ITGAX: variants seen among roughly 807,000 people sequenced by gnomAD.
ITGAX encodes the protein integrin subunit alpha X.
Under a neutral mutation model 140.2 loss-of-function variants are expected in ITGAX, and 99 were observed. That is an observed-to-expected ratio of 0.71 (90% CI 0.60 to 0.83). The LOEUF is 0.83. Ranked by LOEUF, ITGAX falls within the 40% of genes least tolerant of loss-of-function variation. ITGAX has a pLI of 0.00. For synonymous variants in ITGAX, 631 were observed against 600.4 expected (o/e 1.05, Z -0.75); for missense variants, 1,444 against 1,482.0 (o/e 0.97, Z 0.42).
At chr16:31,368,898 A>C (rs1269661396) in intron 14 of ITGAX, among the ~76,000 whole-genome samples, 1 of 152,124 alleles carries the variant, frequency 6.6e-6, no homozygotes, top group African/African-American at 2.4e-5. Flanking sequence ...GACACAGCAC[A>C]TGTTTCAGAG....
intron 29 of ITGAX, 106 bp from the exon 30 acceptor site, chr16:31,381,697 A>T (rs1044650953): frequency 6.6e-6 from 5 of 759,548 alleles, no homozygotes; most frequent in Admixed American, 2.0e-5. Context: ...CAGTGCTTTG[A>T]ACCTAGCAAG....
chr16:31,356,239 T>A, intron 2 of ITGAX: 1 of 493,538 alleles, frequency 2.0e-6, no homozygotes, highest in Non-Finnish European at 3.6e-6. Flanking sequence ...CGACAGCCTG[T>A]GAGTAGGAAT....
Position 31,360,030 on chromosome 16 carries a change from G to A in ITGAX, c.672G>A (p.Gly224=), listed in dbSNP as rs376541940. The part of the protein sequence containing the change: ...SLLASVHQLQ[G]FTYTATAIQN... ...TGGCTTCTGTTCACCAGCTGCAAGGGTTTACATACACGGCCACCGCCATCC... is the reference window on the plus strand; with the variant it reads ...TGGCTTCTGTTCACCAGCTGCAAGGATTTACATACACGGCCACCGCCATCC... Residue 224 remains glycine, a synonymous_variant, in exon 7 of 30, where the codon GGG becomes GGA. Transcript: ENST00000268296. The A allele has an allele frequency of 6.2e-7, 1 of 1,613,028 alleles. No homozygotes were observed. Among genetic ancestry groups the A allele is most frequent in the Non-Finnish European group, 8.5e-7 (1 of 1,180,028 alleles).
intron 23 of ITGAX, among the ~76,000 whole-genome samples, chr16:31,378,701 C>A (rs1212009132): frequency 6.6e-6 from 1 of 151,998 alleles, no homozygotes; most frequent in Non-Finnish European, 1.5e-5. Context: ...TGAATCCTGG[C>A]CTCAAGTGAT....
chr16:31,373,962 G>A (rs540167577), intron 20 of ITGAX, among the ~76,000 whole-genome samples: 4 of 152,288 alleles, frequency 2.6e-5, no homozygotes, highest in East Asian at 3.9e-4. Context: ...CTAGGACCAC[G>A]GGGAGTCAAA....
In ITGAX at chr16:31,355,899, C is replaced by T. The variant is rs751819353; in HGVS notation, c.44C>T (p.Ala15Val). Residue 15 changes from alanine to valine, a missense_variant, in exon 2 of 30, where the codon GCA (alanine) becomes GTA (valine). Coordinates refer to ENST00000268296, the MANE Select transcript of ITGAX (RefSeq NM_000887.5). ...CTTCCCACCTCTTTCCCAGCCTTAGCAACTTCTCTAGGTTTCAACTTGGAC... is the reference window on the plus strand; with the variant it reads ...CTTCCCACCTCTTTCCCAGCCTTAGTAACTTCTCTAGGTTTCAACTTGGAC... ...RAALLLFTAL[A>V]TSLGFNLDTE... 3 of 1,612,936 alleles carry T rather than the reference C, an allele frequency of 1.9e-6. No homozygotes were observed. The highest frequency in any genetic ancestry group is 2.5e-6 in the Non-Finnish European group (3 of 1,179,146).
chr16:31,381,907 A>T lies in ITGAX; in HGVS notation c.3492A>T (p.Ter1164CysextTer65). 2 of 935,268 alleles carry T rather than the reference A, an allele frequency of 2.1e-6. No homozygotes were observed. The highest frequency in any genetic ancestry group is 4.8e-5 in the East Asian group (2 of 41,888). 57.9% of individuals were successfully genotyped at this position (935,268 alleles called of 1,614,324 possible). A position where few individuals can be genotyped will look rare whatever the true frequency, so the allele number is the denominator to read the frequency against. ...CCCCCAGCCCGCCCAGTGAGAAATG[A>T]TCCCCTCTTTGCCTTGGACTTCTTC... ...TQTPSPPSEK[*>C] Residue 1164 changes from the stop codon to cysteine, a stop_lost, in exon 30 of 30, where the codon TGA (stop) becomes TGT (cysteine). Coordinates refer to ENST00000268296, the MANE Select transcript of ITGAX (RefSeq NM_000887.5).
chr16:31,379,409 G>T (rs563277605), intron 23 of ITGAX, among the ~76,000 whole-genome samples, 159 bp from the exon 24 acceptor site: 1 of 152,120 alleles, frequency 6.6e-6, no homozygotes, highest in African/African-American at 2.4e-5. Context: ...GAGCCACCGC[G>T]CCTGGCCTCT....
At chr16:31,357,487 G>T in intron 5 of ITGAX, 123 bp downstream of exon 5, 1 of 657,496 alleles carries the variant, frequency 1.5e-6, no homozygotes, top group Non-Finnish European at 2.6e-6. Context: ...GAGTTACCAC[G>T]TGTTGCAGTG....
rs2080889848 is a variant in ITGAX, at chr16:31,366,070, G to A, written c.1710+2696G>A. Among the ~76,000 whole-genome samples the A allele has an allele frequency of 2.6e-5, 4 of 152,180 alleles. No homozygotes were observed. The South Asian group carries it at 8.3e-4, about 31-fold the overall frequency. On this transcript the variant is annotated intron_variant, in intron 14 of 29. Coordinates refer to ENST00000268296, the MANE Select transcript of ITGAX (RefSeq NM_000887.5). ...TACCAATTCCCACAACCCATCACAT[G>A]CAGGCATACCTTGTTTTATGCGCTT... is the stretch of plus-strand genomic sequence containing the variant.
At chr16:31,381,229 C>T (rs930355382) in intron 29 of ITGAX, among the ~76,000 whole-genome samples, 2 of 152,206 alleles carry the variant, frequency 1.3e-5, no homozygotes, top group African/African-American at 4.8e-5. Flanking sequence ...TCTTCTCCAT[C>T]ATTCTACGTG....
At chr16:31,358,944 A>G (rs2080791449) in intron 5 of ITGAX, among the ~76,000 whole-genome samples, 2 of 151,528 alleles carry the variant, frequency 1.3e-5, no homozygotes, top group South Asian at 4.2e-4. Flanking sequence ...CAGCCTCCAG[A>G]GTAGCTGGGA....
chr16:31,374,909 G>A (rs998750633), intron 20 of ITGAX, among the ~76,000 whole-genome samples: 1 of 152,240 alleles, frequency 6.6e-6, no homozygotes, highest in Non-Finnish European at 1.5e-5. Context: ...GGTTATGAGG[G>A]CTTTGCCCTC....
At chr16:31,375,924 A>C (rs1327703253) in intron 20 of ITGAX, among the ~76,000 whole-genome samples, 1 of 152,250 alleles carries the variant, frequency 6.6e-6, no homozygotes, top group African/African-American at 2.4e-5. Flanking sequence ...TTTTGGAGAC[A>C]ATCTAAGAAA....
chr16:31,359,608 G>T (rs113279134), intron 5 of ITGAX, 92 bp from the exon 6 acceptor site: 575 of 1,478,822 alleles, frequency 3.9e-4, no homozygotes, highest in Admixed American at 4.3e-4. Context: ...GGGGAGGAAG[G>T]GTTTTGGGAG....
rs1282453584 is a variant in ITGAX, at chr16:31,371,177, C to G, written c.1804C>G (p.Leu602Val). 6.2e-7 allele frequency: 1 copy of G among 1,612,526 alleles called. No individual in the cohort carries two copies. Among genetic ancestry groups the G allele is most frequent in the Admixed American group, 1.7e-5 (1 of 59,838 alleles). The change falls in exon 15 of 30, where the codon CTG becomes GTG. Residue 602 changes from leucine (L) to valine (V), a missense_variant. Transcript: ENST00000268296. The stretch of plus-strand genomic sequence containing the variant: ...CCTCACCCAGGATGGACTGGTGGAC[C>G]TGGCTGTGGGGGCCCGGGGCCAGGT... ...QDLTQDGLVD[L>V]AVGARGQVLL... is the part of the protein sequence containing the mutation.
chr16:31,372,936 C>CAACAAT (rs1207986116), intron 19 of ITGAX, among the ~76,000 whole-genome samples: 2 of 151,606 alleles, frequency 1.3e-5, no homozygotes, highest in Non-Finnish European at 2.9e-5. Context: ...ACAACAACAA[C>CAACAAT]AACAACATCA....
At chr16:31,355,426 GC>G (rs1326884360) in intron 1 of ITGAX, 135 bp downstream of exon 1, 1 of 909,368 alleles carries the variant, frequency 1.1e-6, no homozygotes, top group Non-Finnish European at 1.7e-6. Flanking sequence ...GGGGAGGCAG[GC>G]ACATAGGGTC....
intron 2 of ITGAX, 123 bp downstream of exon 2, chr16:31,356,121 G>T: frequency 1.5e-6 from 1 of 671,664 alleles, no homozygotes; most frequent in East Asian, 2.8e-5. Flanking sequence ...CGACTGCCCT[G>T]GCTAATGAAG....
Sources: gnomAD v4.1 joint callset for allele counts (sites outside exome capture counted in the v4.1 genomes callset) on GRCh38, gnomAD v4.1.1 for gene constraint, MANE v1.5 for transcripts, NCBI Gene and HGNC (gene_info 2026-07-23, HGNC 2026-07-21) for gene names.